PTPRN2: variants seen among roughly 807,000 people sequenced by gnomAD.
The protein encoded by PTPRN2 is protein tyrosine phosphatase receptor type N2, also known as receptor-type tyrosine-protein phosphatase N2.
In PTPRN2, 74 loss-of-function variants were observed where a neutral mutation model predicts 118.8. The observed-to-expected ratio is 0.62, with a 90% CI of 0.52 to 0.76. The LOEUF (loss-of-function observed/expected upper bound fraction) is 0.76. Among genes scored for constraint, PTPRN2 ranks in the 30% least tolerant of loss-of-function variants. PTPRN2 has a pLI of 0.00. For missense variants in PTPRN2, 1,481 were observed against 1,394.4 expected (o/e 1.06, Z -0.99); for synonymous variants, 641 against 608.0 (o/e 1.05, Z -0.80).
chr7:158,167,333 C>T, intron 5 of PTPRN2, 42 bp from the exon 6 acceptor site: 1 of 1,535,188 alleles, frequency 6.5e-7, no homozygotes, highest in Non-Finnish European at 8.8e-7. Flanking sequence ...GTCACATTTC[C>T]ATCGTCAGCT....
intron 2 of PTPRN2, among the ~76,000 whole-genome samples, chr7:158,317,377 G>A (rs965594208): frequency 6.6e-6 from 1 of 152,236 alleles, no homozygotes; most frequent in African/African-American, 2.4e-5. Flanking sequence ...CGGCGGAGAC[G>A]CCTCTCCCTG....
intron 3 of PTPRN2, among the ~76,000 whole-genome samples, chr7:158,223,493 A>G (rs539700174): frequency 6.6e-6 from 1 of 152,280 alleles, no homozygotes; most frequent in Non-Finnish European, 1.5e-5. Flanking sequence ...TCCAGGAATG[A>G]AAGGCTGGTT....
chr7:158,521,688 A>G, intron 1 of PTPRN2, among the ~76,000 whole-genome samples: 1 of 103,344 alleles, frequency 9.7e-6, no homozygotes, highest in African/African-American at 4.5e-5. Context: ...TCCACGTCAC[A>G]ATGGTGGACT....
chr7:158,213,184 T>C (rs916669290), intron 3 of PTPRN2, among the ~76,000 whole-genome samples: 1 of 148,540 alleles, frequency 6.7e-6, no homozygotes, highest in Non-Finnish European at 1.5e-5. Flanking sequence ...ACCAAAATCT[T>C]CAAATCAGGA....
intron 11 of PTPRN2, among the ~76,000 whole-genome samples, chr7:158,002,662 G>A (rs1273127792): frequency 6.6e-6 from 1 of 152,192 alleles, no homozygotes; most frequent in Non-Finnish European, 1.5e-5. Context: ...CAGGGAGCCT[G>A]GGAAATGTCC....
intron 3 of PTPRN2, among the ~76,000 whole-genome samples, chr7:158,288,564 C>T (rs1799905698): frequency 1.3e-5 from 2 of 152,218 alleles, no homozygotes; most frequent in African/African-American, 4.8e-5. Flanking sequence ...TTTTTAAAAT[C>T]TCTACACATT....
chr7:158,478,390 G>T (rs757017316), intron 2 of PTPRN2, among the ~76,000 whole-genome samples: 2 of 152,192 alleles, frequency 1.3e-5, no homozygotes, highest in Admixed American at 1.3e-4. Context: ...GGTGCTGTGC[G>T]TAGGGTGAGC....
chr7:157,973,818 G>A (rs953511405), intron 11 of PTPRN2, among the ~76,000 whole-genome samples: 4 of 152,162 alleles, frequency 2.6e-5, no homozygotes, highest in African/African-American at 4.8e-5. Flanking sequence ...AGAAGACCAC[G>A]CGGCATGGAA....
chr7:158,110,546 C>A (rs977825864), intron 10 of PTPRN2, among the ~76,000 whole-genome samples: 1 of 152,214 alleles, frequency 6.6e-6, no homozygotes, highest in Non-Finnish European at 1.5e-5. Context: ...TGGCATAGGA[C>A]ATGTGCAGAA....
At chr7:157,829,915 C>T (rs1807442822) in intron 12 of PTPRN2, among the ~76,000 whole-genome samples, 1 of 152,234 alleles carries the variant, frequency 6.6e-6, no homozygotes, top group Admixed American at 6.5e-5. Context: ...CCCTGCACCT[C>T]TGCAGTGGCA....
chr7:158,139,117 C>T (rs1365743579), intron 6 of PTPRN2, among the ~76,000 whole-genome samples: 1 of 152,124 alleles, frequency 6.6e-6, no homozygotes, highest in African/African-American at 2.4e-5. Flanking sequence ...TCTAGGCCCC[C>T]ACTTCACACA....
At chr7:157,734,538 G>GAAACA (rs1374458742) in intron 12 of PTPRN2, among the ~76,000 whole-genome samples, 1 of 152,208 alleles carries the variant, frequency 6.6e-6, no homozygotes, top group Non-Finnish European at 1.5e-5. Flanking sequence ...GGCAGGCAAA[G>GAAACA]AAACAATTTC....
intron 11 of PTPRN2, among the ~76,000 whole-genome samples, chr7:158,070,247 A>AGAGGTGCTCATGGTGATG (rs1289642267): frequency 6.6e-6 from 1 of 151,866 alleles, no homozygotes; most frequent in Non-Finnish European, 1.5e-5. Flanking sequence ...CAACTGCTGT[A>AGAGGTGCTCATGGTGATG]GAGGTGCTCA....
intron 12 of PTPRN2, among the ~76,000 whole-genome samples, chr7:157,824,539 A>C (rs1198967483): frequency 3.3e-5 from 5 of 152,206 alleles, no homozygotes. Flanking sequence ...CAAGGCTGCC[A>C]CACAGGCCCC....
Position 157,671,440 on chromosome 7 carries a change from AC to A in PTPRN2, c.2001+11284del, listed in dbSNP as rs935819426. Among the ~76,000 whole-genome samples, 27 of 152,030 alleles carry A rather than the reference AC, an allele frequency of 1.8e-4. No homozygotes were observed. The highest frequency in any genetic ancestry group is 6.5e-4 in the African/African-American group (27 of 41,462). On this transcript the variant is annotated intron_variant, in intron 13 of 22. Coordinates refer to ENST00000389418, the MANE Select transcript of PTPRN2 (RefSeq NM_002847.5). This position sits in a 1 kb window ranked among gnomAD's most constrained non-coding sequence, Gnocchi z 4.1. ...CCTGGTGTTCGGGATGGGACGGGCC[AC>A]CCCGGGCTGAGATGGAAGCTCAGGG...
rs1429529306 is a variant in PTPRN2 at position 158,126,446 on chromosome 7, CCA to C, written c.1556+7229_1556+7230del. Among the ~76,000 whole-genome samples the C allele has an allele frequency of 2.6e-3, 107 of 40,494 alleles. 3 individuals are homozygous for C. Among genetic ancestry groups the C allele is most frequent in the African/African-American group, 0.013 (98 of 7,706 alleles). 26.6% of individuals were successfully genotyped at this position (40,494 alleles called of 152,430 possible). ...AACTTCCTCTCCGCCACACCAGCCC[CCA>C]GGACAGCGGGCGGCGGAACTTCCTC... On this transcript the variant is annotated intron_variant, in intron 9 of 22. Coordinates refer to ENST00000389418, the MANE Select transcript of PTPRN2 (RefSeq NM_002847.5).
chr7:157,863,071 G>C (rs527664036), intron 12 of PTPRN2: 2 of 152,260 alleles, frequency 1.3e-5, no homozygotes, highest in East Asian at 3.8e-4. Flanking sequence ...CCTGTGCTCC[G>C]GCTCTGGGGC....
chr7:158,533,580 C>G (rs1436197388), intron 1 of PTPRN2, among the ~76,000 whole-genome samples: 1 of 152,188 alleles, frequency 6.6e-6, no homozygotes, highest in Non-Finnish European at 1.5e-5. Flanking sequence ...GAGTCCCTAT[C>G]CCAGGGGCCA....
intron 12 of PTPRN2, among the ~76,000 whole-genome samples, chr7:157,720,242 A>T (rs58278053): frequency 0.41 from 62,809 of 151,750 alleles, 13,194 homozygotes; most frequent in Middle Eastern, 0.45. Context: ...ATGGAACTGA[A>T]TTTCCTTAGG....
Sources: allele counts gnomAD v4.1 joint callset (sites outside exome capture counted in the v4.1 genomes callset), GRCh38; gene constraint gnomAD v4.1.1; non-coding constraint Gnocchi (gnomAD v3.1); transcripts MANE v1.5; gene names NCBI Gene and HGNC (gene_info 2026-07-23, HGNC 2026-07-21).